Variants in ARHGEF2 observed in about 807,000 individuals in gnomAD.
The protein encoded by ARHGEF2 is Rho/Rac guanine nucleotide exchange factor 2, also known as rho guanine nucleotide exchange factor 2.
Under a neutral mutation model 121.0 loss-of-function variants are expected in ARHGEF2, and 22 were observed. The ratio of observed to expected loss-of-function variants is 0.18; its 90% confidence interval spans 0.13 to 0.26. ARHGEF2 has a LOEUF of 0.26. ARHGEF2 is among the 10% of genes least tolerant of loss of function. ARHGEF2 has a pLI of 1.00. For synonymous variants in ARHGEF2, 487 were observed against 530.0 expected (o/e 0.92, Z 1.11); for missense variants, 907 against 1,336.0 (o/e 0.68, Z 5.01).
chr1:155,953,368 G>A (rs937551412), intron 14 of ARHGEF2, among the ~76,000 whole-genome samples: 11 of 152,072 alleles, frequency 7.2e-5, no homozygotes, highest in African/African-American at 2.7e-4. Flanking sequence ...GTTTCATCTG[G>A]GCACACATGG....
intron 1 of ARHGEF2, among the ~76,000 whole-genome samples, chr1:155,976,911 T>C (rs1359831015): frequency 6.6e-6 from 1 of 152,046 alleles, no homozygotes; most frequent in African/African-American, 2.4e-5. Context: ...GCTTTCCAGA[T>C]AGCAAAATCT....
chr1:155,958,658 C>T (rs1026565657), intron 11 of ARHGEF2, among the ~76,000 whole-genome samples: 5 of 150,950 alleles, frequency 3.3e-5, no homozygotes, highest in Admixed American at 2.0e-4. Flanking sequence ...TCACTGCAAC[C>T]TCCGCCTCCC....
intron 12 of ARHGEF2, 131 bp from the exon 13 acceptor site, chr1:155,958,013 A>C: frequency 2.1e-6 from 2 of 944,378 alleles, no homozygotes; most frequent in Non-Finnish European, 3.1e-6. Context: ...AGAGCCAGGC[A>C]CTGGTGCCAG....
At chr1:155,968,161 A>G (rs1679796686) in intron 2 of ARHGEF2, 1 of 151,102 alleles carries the variant, frequency 6.6e-6, no homozygotes, top group Admixed American at 6.6e-5. Context: ...TAAATTGAAC[A>G]GTGAGGAAAG....
At position 155,978,493 on chromosome 1, in the gene ARHGEF2, C is replaced by T. The variant is rs942980580; in HGVS notation, c.-66G>A. The stretch of plus-strand genomic sequence containing the variant: ...GGCGTCCTGTATTGTTGGGGGAAGG[C>T]GGGGGGAGGGGTTCGGCCCGCACGC... On this transcript the variant is annotated 5_prime_UTR_variant, in exon 1 of 22. Transcript: ENST00000361247. This position sits in a 1 kb window ranked among gnomAD's most constrained non-coding sequence, Gnocchi z 4.1. 2.2e-6 allele frequency: 3 copies of T among 1,343,260 alleles called. No individual in the cohort carries two copies. Among genetic ancestry groups the T allele is most frequent in the Admixed American group, 3.2e-5 (1 of 31,444 alleles). The allele number at this position is 1,343,260 out of a possible 1,614,324, so 83.2% of individuals were successfully genotyped here. A position where few individuals can be genotyped will look rare whatever the true frequency, so the allele number is the denominator to read the frequency against.
chr1:155,969,022 G>T, intron 2 of ARHGEF2, 134 bp downstream of exon 2: 1 of 1,095,128 alleles, frequency 9.1e-7, no homozygotes, highest in Non-Finnish European at 1.3e-6. Context: ...TCAAGCAACT[G>T]GCCCTGGCAT....
At chr1:155,974,843 C>G (rs1005126894) in intron 1 of ARHGEF2, among the ~76,000 whole-genome samples, 1 of 108,280 alleles carries the variant, frequency 9.2e-6, no homozygotes, top group South Asian at 3.0e-4. Flanking sequence ...GAGAGACAAG[C>G]AGAAAGAGAG....
chr1:155,978,170 G>T lies in ARHGEF2; in HGVS notation c.63+195C>A. On this transcript the variant is annotated intron_variant, in intron 1 of 21. Transcript: ENST00000361247. This position sits in a 1 kb window ranked among gnomAD's most constrained non-coding sequence, Gnocchi z 4.1. Reference sequence around the variant, plus strand: ...TCCCTCCCGGGATCCCAGCACCGTCGCGTCTGCCGCTCCCCCCACCCCTAC... The same window carrying T: ...TCCCTCCCGGGATCCCAGCACCGTCTCGTCTGCCGCTCCCCCCACCCCTAC... The T allele has an allele frequency of 7.7e-7, 1 of 1,294,052 alleles. No homozygotes were observed. The highest frequency in any genetic ancestry group is 3.5e-5 in the Admixed American group (1 of 28,774). 80.2% of individuals were successfully genotyped at this position (1,294,052 alleles called of 1,614,324 possible). A position where few individuals can be genotyped will look rare whatever the true frequency, so the allele number is the denominator to read the frequency against.
At position 155,962,292 on chromosome 1, in the gene ARHGEF2, G is replaced by C. The variant is rs148178766; in HGVS notation, c.1102-70C>G. On this transcript the variant is annotated intron_variant, in intron 9 of 21. Coordinates refer to ENST00000361247, the MANE Select transcript of ARHGEF2 (RefSeq NM_001162383.2). The surrounding 1 kb of genome is among the most constrained non-coding windows in gnomAD (Gnocchi z 5.8). Reference sequence around the variant, plus strand: ...AGAAAGGCCTGGGGCCTGAGCTCTGGTGCTGGCCCTGGCGTGGCCATTTAC... The same window carrying C: ...AGAAAGGCCTGGGGCCTGAGCTCTGCTGCTGGCCCTGGCGTGGCCATTTAC... 6.0e-6 allele frequency: 9 copies of C among 1,501,640 alleles called. No individual in the cohort carries two copies. Among genetic ancestry groups the C allele is most frequent in the Non-Finnish European group, 8.3e-6 (9 of 1,087,290 alleles). The allele number at this position is 1,501,640 out of a possible 1,614,324, so 93.0% of individuals were successfully genotyped here. A position where few individuals can be genotyped will look rare whatever the true frequency, so the allele number is the denominator to read the frequency against.
chr1:155,977,274 C>T (rs1231258533), intron 1 of ARHGEF2, among the ~76,000 whole-genome samples: 1 of 152,122 alleles, frequency 6.6e-6, no homozygotes, highest in Non-Finnish European at 1.5e-5. Context: ...CAGGCACCAC[C>T]TTCCTTTCAG....
Position 155,965,696 on chromosome 1 carries a change from C to T in ARHGEF2, c.405G>A (p.Leu135=). Residue 135 remains leucine (L), a synonymous_variant, in exon 5 of 22, where the codon CTG becomes CTA. Coordinates refer to ENST00000361247, the MANE Select transcript of ARHGEF2 (RefSeq NM_001162383.2). This position sits in a 1 kb window ranked among gnomAD's most constrained non-coding sequence, Gnocchi z 6.0. ...AGGAGGAGCGGCCACGGCGGGAGCC[C>T]AGGAGGGACTGCCGGAAGCTGTCGG... ...YPSDSFRQSL[L]GSRRGRSSLS... 1 of 1,608,120 alleles carries T rather than the reference C, an allele frequency of 6.2e-7. No homozygotes were observed. Among genetic ancestry groups the T allele is most frequent in the Non-Finnish European group, 8.5e-7 (1 of 1,178,622 alleles).
At chr1:155,971,175 T>C (rs1680385027) in intron 1 of ARHGEF2, 1 of 920,902 alleles carries the variant, frequency 1.1e-6, no homozygotes, top group Non-Finnish European at 1.3e-6. Context: ...ACCTCTAAAA[T>C]GTTCTGGCCT....
chr1:155,954,434 C>T (rs1275106108), intron 14 of ARHGEF2, among the ~76,000 whole-genome samples: 1 of 147,886 alleles, frequency 6.8e-6, no homozygotes, highest in Non-Finnish European at 1.5e-5. Flanking sequence ...CAGGCACCCG[C>T]CACCACCCCC....
chr1:155,970,426 C>A (rs1680235003), intron 1 of ARHGEF2: 1 of 985,326 alleles, frequency 1.0e-6, no homozygotes, highest in African/African-American at 1.7e-5. Flanking sequence ...CTAGGACCTT[C>A]CTTAGTTGTG....
intron 1 of ARHGEF2, among the ~76,000 whole-genome samples, chr1:155,975,365 T>C (rs967396776): frequency 6.6e-6 from 1 of 152,060 alleles, no homozygotes; most frequent in African/African-American, 2.4e-5. Flanking sequence ...CAGACCCCAC[T>C]GTAACTCCTC....
At chr1:155,976,603 C>A (rs1214581540) in intron 1 of ARHGEF2, among the ~76,000 whole-genome samples, 1 of 126,922 alleles carries the variant, frequency 7.9e-6, no homozygotes, top group Non-Finnish European at 1.7e-5. Context: ...TAGCTACCTG[C>A]CCCCACAGAA....
chr1:155,964,892 C>CA (rs11295795), intron 7 of ARHGEF2, 96 bp downstream of exon 7: 77,101 of 1,109,688 alleles, frequency 0.069, 4 homozygotes, highest in Middle Eastern at 0.077. Context: ...GACTCCATCT[C>CA]AAAAAAAAAA....
At chr1:155,956,202 G>A (rs1362131939) in intron 13 of ARHGEF2, among the ~76,000 whole-genome samples, 6 of 151,996 alleles carry the variant, frequency 3.9e-5, no homozygotes, top group Admixed American at 3.9e-4. Context: ...GGGTTCAAGC[G>A]ATTCTCCTGC....
chr1:155,953,986 T>G (rs112043835), intron 14 of ARHGEF2, among the ~76,000 whole-genome samples: 14 of 152,000 alleles, frequency 9.2e-5, no homozygotes, highest in African/African-American at 1.2e-4. Flanking sequence ...TGGGGTTTTT[T>G]TTGTTGTTGT....
Sources: allele counts gnomAD v4.1 joint callset (sites outside exome capture counted in the v4.1 genomes callset), GRCh38; gene constraint gnomAD v4.1.1; non-coding constraint Gnocchi (gnomAD v3.1); transcripts MANE v1.5; gene names NCBI Gene and HGNC (gene_info 2026-07-23, HGNC 2026-07-21).